Variants in KIF1A observed in about 807,000 individuals in gnomAD.
KIF1A encodes kinesin family member 1A.
Under a neutral mutation model 227.3 loss-of-function variants are expected in KIF1A, and 46 were observed. The observed-to-expected ratio is 0.20, with a 90% CI of 0.16 to 0.26. KIF1A has a LOEUF of 0.26. Among genes scored for constraint, KIF1A ranks in the 10% least tolerant of loss-of-function variants. The probability of loss-of-function intolerance (pLI) is 1.00; values close to 1 mark genes in which losing one functional copy is unlikely to be tolerated. For missense variants in KIF1A, 1,683 were observed against 2,485.9 expected (o/e 0.68, Z 6.87); for synonymous variants, 1,022 against 1,012.8 (o/e 1.01, Z -0.17).
intron 15 of KIF1A, among the ~76,000 whole-genome samples, chr2:240,770,024 C>T (rs1466489862): frequency 6.6e-6 from 1 of 152,210 alleles, no homozygotes; most frequent in Non-Finnish European, 1.5e-5. Context: ...GTGCTCAGCC[C>T]TCTTCAGGAC....
rs201684653 is a variant in KIF1A at position 240,740,073 on chromosome 2, G to A, written c.3886C>T (p.Arg1296Cys). The part of the protein sequence containing the change: ...TGSHIRWKEV[R>C]ELVVGRIRNT... ...CCGCACTCACCCACGACCAGCTCGC[G>A]CACTTCCTTCCAGCGGATATGGCTG... The change falls in exon 37 of 49, where the codon CGC becomes TGC. Residue 1296 changes from arginine (R) to cysteine (C), a missense_variant. By Grantham distance (180) the Arg-to-Cys change is radical (BLOSUM62 -3). Coordinates refer to ENST00000498729, the MANE Select transcript of KIF1A (RefSeq NM_001244008.2). This position sits in a 1 kb window ranked among gnomAD's most constrained non-coding sequence, Gnocchi z 6.1. 1.6e-5 allele frequency: 25 copies of A among 1,586,882 alleles called. No individual in the cohort carries two copies. The Admixed American group carries it at 1.9e-4, about 12-fold the overall frequency.
At position 240,780,761 on chromosome 2, in the gene KIF1A, C is replaced by A. The variant is rs186032800; in HGVS notation, c.882+1829G>T. Among the ~76,000 whole-genome samples, 555 of 145,946 alleles carry A rather than the reference C, an allele frequency of 3.8e-3. 4 individuals are homozygous for A. Among genetic ancestry groups the A allele is most frequent in the African/African-American group, 0.014 (508 of 37,070 alleles). ...GACACACAGTTCTCTGCAGGCTCCC[C>A]ACACAGCTCCACACACACACACACA... is the stretch of plus-strand genomic sequence containing the variant. On this transcript the variant is annotated intron_variant, in intron 10 of 48. Transcript: ENST00000498729.
intron 10 of KIF1A, among the ~76,000 whole-genome samples, chr2:240,777,680 A>G (rs1575610088): frequency 6.6e-6 from 1 of 152,160 alleles, no homozygotes; most frequent in Non-Finnish European, 1.5e-5. Flanking sequence ...TAAAGCAGAC[A>G]CTGTGAGCCC....
At position 240,719,746 on chromosome 2, in the gene KIF1A, C is replaced by T. The variant is rs199930943; in HGVS notation, c.5021+28G>A. 5.0e-4 allele frequency: 764 copies of T among 1,522,052 alleles called. 3 individuals are homozygous for T. In the East Asian group the frequency reaches 8.2e-3, roughly 16 times the overall value. The allele number at this position is 1,522,052 out of a possible 1,614,324, so 94.3% of individuals were successfully genotyped here. On this transcript the variant is annotated intron_variant, in intron 46 of 48. Transcript: ENST00000498729. ...TCCCCTGTCAGCACAGAGCTGGTGG[C>T]GGTGCTTTCCAGGGAGGCCCCACAC...
chr2:240,738,798 G>T (rs961804549), intron 37 of KIF1A, among the ~76,000 whole-genome samples: 1 of 152,200 alleles, frequency 6.6e-6, no homozygotes, highest in South Asian at 2.1e-4. Context: ...ACCCAGGCCC[G>T]AAGGATGCGT....
intron 23 of KIF1A, 101 bp from the exon 24 acceptor site, chr2:240,761,478 C>T: frequency 1.8e-6 from 2 of 1,111,586 alleles, no homozygotes; most frequent in Non-Finnish European, 2.5e-6. Context: ...CTCCATGGGG[C>T]TGCCTAAGCT....
At chr2:240,785,592 C>G (rs1045401407) in intron 6 of KIF1A, among the ~76,000 whole-genome samples, 2 of 152,182 alleles carry the variant, frequency 1.3e-5, no homozygotes, top group Non-Finnish European at 2.9e-5. Context: ...GGAGTTGGTC[C>G]TGATGCCACC....
chr2:240,774,424 A>G (rs753302559), intron 11 of KIF1A, among the ~76,000 whole-genome samples, 163 bp from the exon 12 acceptor site: 23 of 101,286 alleles, frequency 2.3e-4, no homozygotes, highest in Admixed American at 9.3e-4. Flanking sequence ...ATGAACACAG[A>G]CAACAGCAAG....
chr2:240,726,738 G>A lies in KIF1A; in HGVS notation c.4122+88C>T, dbSNP rs1185684769. The A allele has an allele frequency of 7.1e-6, 5 of 704,488 alleles. No homozygotes were observed. The highest frequency in any genetic ancestry group is 1.2e-5 in the Non-Finnish European group (5 of 403,956). 43.6% of individuals were successfully genotyped at this position (704,488 alleles called of 1,614,324 possible). On this transcript the variant is annotated intron_variant, in intron 39 of 48. Transcript: ENST00000498729. The surrounding 1 kb of genome is among the most constrained non-coding windows in gnomAD (Gnocchi z 5.2). ...CTTGAGAACTAGAGAAGTCGTCTGG[G>A]TCATATGGGGTTGTCCAGAGCTTAC... is the stretch of plus-strand genomic sequence containing the variant.
rs1575521876 is a variant in KIF1A, at chr2:240,723,519, A to G, written c.4358T>C (p.Val1453Ala). ...GTTCTCCTCGCCCCGGACATAGGCC[A>G]CAGATGTGTCCAGGACTCGTCGGCG... ...RRRRRVLDTS[V>A]AYVRGEENLA... is the part of the protein sequence containing the mutation. The change falls in exon 42 of 49, where the codon GTG becomes GCG. Residue 1453 changes from valine to alanine, a missense_variant. Transcript: ENST00000498729. 6.4e-7 allele frequency: 1 copy of G among 1,553,368 alleles called. No homozygotes were observed. Among genetic ancestry groups the G allele is most frequent in the Non-Finnish European group, 8.7e-7 (1 of 1,149,150 alleles).
At chr2:240,819,561 C>A (rs865905920) in intron 1 of KIF1A, among the ~76,000 whole-genome samples, 1 of 152,044 alleles carries the variant, frequency 6.6e-6, no homozygotes, top group African/African-American at 2.4e-5. Flanking sequence ...CGCCCTCCCC[C>A]ACCCCGGGAA....
intron 4 of KIF1A, 94 bp downstream of exon 4, chr2:240,787,957 G>T (rs2055157475): frequency 3.3e-6 from 4 of 1,217,726 alleles, no homozygotes; most frequent in African/African-American, 3.0e-5. Flanking sequence ...GCTCTCTGGG[G>T]GCTGCTCTCA....
chr2:240,737,262 C>T lies in KIF1A; in HGVS notation c.3902-94G>A, dbSNP rs552756341. The T allele has an allele frequency of 6.6e-6, 6 of 915,496 alleles. No homozygotes were observed. In the African/African-American group the frequency reaches 8.1e-5, roughly 12 times the overall value. The allele number at this position is 915,496 out of a possible 1,614,324, so 56.7% of individuals were successfully genotyped here. A position where few individuals can be genotyped will look rare whatever the true frequency, so the allele number is the denominator to read the frequency against. On this transcript the variant is annotated intron_variant, in intron 37 of 48. Coordinates refer to ENST00000498729, the MANE Select transcript of KIF1A (RefSeq NM_001244008.2). ...GGTGGGGGTCCTGTCAGCAAGCCAGCTCCCCACATGGTCACTAGAGCGTCT... is the reference window on the plus strand; with the variant it reads ...GGTGGGGGTCCTGTCAGCAAGCCAGTTCCCCACATGGTCACTAGAGCGTCT...
intron 23 of KIF1A, among the ~76,000 whole-genome samples, chr2:240,762,066 A>C (rs1324825027): frequency 1.3e-5 from 2 of 152,116 alleles, no homozygotes; most frequent in Admixed American, 1.3e-4. Flanking sequence ...GGCTGCCCCC[A>C]ATCTGGCACG....
chr2:240,816,149 A>AGAGTGTGT (rs138366282), intron 1 of KIF1A, among the ~76,000 whole-genome samples: 1 of 150,416 alleles, frequency 6.6e-6, no homozygotes, highest in Non-Finnish European at 1.5e-5. Context: ...AGGGATGCAG[A>AGAGTGTGT]GTGTGTGTGT....
chr2:240,775,982 G>A lies in KIF1A; in HGVS notation c.883-56C>T. The stretch of plus-strand genomic sequence containing the variant: ...CGAGCCCACTGCAGAGGAAGCGAAA[G>A]GGAGGGGCCAGCGCAGGCCCTGCCA... On this transcript the variant is annotated intron_variant, in intron 10 of 48. Transcript: ENST00000498729. The surrounding 1 kb of genome is among the most constrained non-coding windows in gnomAD (Gnocchi z 5.5). The A allele has an allele frequency of 1.6e-6, 2 of 1,245,720 alleles. No individual in the cohort carries two copies. Among genetic ancestry groups the A allele is most frequent in the Non-Finnish European group, 2.4e-6 (2 of 847,072 alleles). The allele number at this position is 1,245,720 out of a possible 1,614,324, so 77.2% of individuals were successfully genotyped here. A position where few individuals can be genotyped will look rare whatever the true frequency, so the allele number is the denominator to read the frequency against.
intron 38 of KIF1A, among the ~76,000 whole-genome samples, chr2:240,732,379 G>A: frequency 6.8e-6 from 1 of 146,916 alleles, no homozygotes; most frequent in Admixed American, 6.7e-5. Context: ...AGGGAAGAGG[G>A]GCGGAGGGAA....
chr2:240,809,068 TA>T (rs1372950157), intron 1 of KIF1A, among the ~76,000 whole-genome samples: 2 of 152,210 alleles, frequency 1.3e-5, no homozygotes, highest in Admixed American at 6.5e-5. Flanking sequence ...AGAACTTTAC[TA>T]AAAACATTGC....
intron 1 of KIF1A, among the ~76,000 whole-genome samples, chr2:240,813,168 C>T (rs1330825554): frequency 6.6e-6 from 1 of 152,264 alleles, no homozygotes; most frequent in Non-Finnish European, 1.5e-5. Flanking sequence ...AAAACCACAG[C>T]AGGTTTTTCT....
Sources: gnomAD v4.1 joint callset for allele counts (sites outside exome capture counted in the v4.1 genomes callset) on GRCh38, gnomAD v4.1.1 for gene constraint, Gnocchi (gnomAD v3.1) non-coding constraint, MANE v1.5 for transcripts, NCBI Gene and HGNC (gene_info 2026-07-23, HGNC 2026-07-21) for gene names.